The following GPC6 variants were observed in gnomAD, a reference collection of about 807,000 sequenced individuals.
The protein encoded by GPC6 is glypican-6.
In GPC6, 14 loss-of-function variants were observed where a neutral mutation model predicts 55.2. The ratio of observed to expected loss-of-function variants is 0.25; its 90% CI spans 0.17 to 0.40. The LOEUF (loss-of-function observed/expected upper bound fraction) is 0.40. Among genes scored for constraint, GPC6 ranks in the 10% least tolerant of loss-of-function variants. The probability of loss-of-function intolerance (pLI) is 1.00; values close to 1 mark genes in which losing one functional copy is unlikely to be tolerated. For synonymous variants in GPC6, 278 were observed against 259.6 expected (o/e 1.07, Z -0.68); for missense variants, 641 against 708.5 (o/e 0.90, Z 1.08).
At chr13:93,970,348 C>T (rs372238929) in intron 3 of GPC6, among the ~76,000 whole-genome samples, 2 of 152,204 alleles carry the variant, frequency 1.3e-5, no homozygotes, top group East Asian at 1.9e-4. Flanking sequence ...GTAGCATTTT[C>T]ATCCCATGAG....
intron 4 of GPC6, among the ~76,000 whole-genome samples, chr13:94,060,948 C>T (rs1594704052): frequency 6.6e-6 from 1 of 152,212 alleles, no homozygotes; most frequent in East Asian, 1.9e-4. Flanking sequence ...GGGTAAGTTG[C>T]TAAACTTTGA....
chr13:93,268,405 A>C (rs1877397083), intron 1 of GPC6, among the ~76,000 whole-genome samples: 1 of 152,220 alleles, frequency 6.6e-6, no homozygotes, highest in African/African-American at 2.4e-5. Context: ...TAGAATATTA[A>C]AATATGAATA....
intron 1 of GPC6, among the ~76,000 whole-genome samples, chr13:93,543,871 T>C (rs1194441241): frequency 2.6e-5 from 4 of 152,134 alleles, no homozygotes; most frequent in African/African-American, 4.8e-5. Flanking sequence ...TTGTAGTCTT[T>C]TGAGGAACCT....
intron 3 of GPC6, among the ~76,000 whole-genome samples, chr13:94,007,993 C>T (rs1004302854): frequency 3.9e-5 from 6 of 152,086 alleles, no homozygotes; most frequent in African/African-American, 1.4e-4. Flanking sequence ...TATGGACTCA[C>T]TTTATATATT....
intron 2 of GPC6, among the ~76,000 whole-genome samples, chr13:93,588,446 T>C (rs1455896533): frequency 6.6e-6 from 1 of 152,114 alleles, no homozygotes; most frequent in East Asian, 1.9e-4. Context: ...CCACATTCCA[T>C]TAAAAATTTT....
At chr13:93,867,431 A>C (rs1485891912) in intron 3 of GPC6, among the ~76,000 whole-genome samples, 1 of 151,676 alleles carries the variant, frequency 6.6e-6, no homozygotes, top group Non-Finnish European at 1.5e-5. Flanking sequence ...ACATCTTCAA[A>C]CCTTACTTTC....
chr13:94,288,806 T>TTA lies in GPC6; in HGVS notation c.1008+2334_1008+2335dup, dbSNP rs1555316107. ...TATATATAATAAATATATATATTTG[T>TTA]TATATATAATAAATATATATATTTG... On this transcript the variant is annotated intron_variant, in intron 5 of 8. Transcript: ENST00000377047. Among the ~76,000 whole-genome samples the TTA allele has an allele frequency of 1.4e-3, 99 of 72,506 alleles. 2 individuals are homozygous for TTA. The highest frequency in any genetic ancestry group is 7.3e-3 in the African/African-American group (91 of 12,460). 47.6% of individuals were successfully genotyped at this position (72,506 alleles called of 152,430 possible).
intron 4 of GPC6, among the ~76,000 whole-genome samples, chr13:94,261,210 G>T (rs1253061783): frequency 6.6e-6 from 1 of 152,156 alleles, no homozygotes; most frequent in Non-Finnish European, 1.5e-5. Context: ...AGGGGGCGGA[G>T]GTTGCAGTAA....
chr13:93,252,293 CA>C (rs1193534414), intron 1 of GPC6, among the ~76,000 whole-genome samples: 1 of 152,188 alleles, frequency 6.6e-6, no homozygotes, highest in East Asian at 1.9e-4. Context: ...TTTGAGAATA[CA>C]TTTCAAACAT....
intron 4 of GPC6, among the ~76,000 whole-genome samples, chr13:94,097,255 C>A (rs970647673): frequency 7.2e-5 from 11 of 152,078 alleles, no homozygotes; most frequent in African/African-American, 2.7e-4. Context: ...GTAATCCCAG[C>A]ACTTTGGGAG....
intron 4 of GPC6, among the ~76,000 whole-genome samples, chr13:94,207,287 A>G (rs1889933916): frequency 6.6e-6 from 1 of 152,206 alleles, no homozygotes. Flanking sequence ...CACTAAGACA[A>G]ATCCTGGGTA....
intron 4 of GPC6, among the ~76,000 whole-genome samples, chr13:94,067,030 C>A (rs1348257182): frequency 6.6e-6 from 1 of 152,126 alleles, no homozygotes; most frequent in Non-Finnish European, 1.5e-5. Context: ...TATTTTTGAA[C>A]TGTTATGTAA....
chr13:93,268,168 G>A (rs940069373), intron 1 of GPC6, among the ~76,000 whole-genome samples: 5 of 152,138 alleles, frequency 3.3e-5, no homozygotes, highest in African/African-American at 4.8e-5. Context: ...ATAATTATGA[G>A]AGGATTATTT....
intron 2 of GPC6, among the ~76,000 whole-genome samples, chr13:93,580,553 A>C (rs1876888536): frequency 6.6e-6 from 1 of 152,134 alleles, no homozygotes; most frequent in Non-Finnish European, 1.5e-5. Flanking sequence ...CTTATTGAGC[A>C]CCTATTATGT....
intron 2 of GPC6, among the ~76,000 whole-genome samples, chr13:93,593,577 G>GTA (rs1256532939): frequency 4.6e-5 from 7 of 152,212 alleles, no homozygotes; most frequent in African/African-American, 1.7e-4. Flanking sequence ...AAGTGCATGT[G>GTA]TATTGAACAC....
chr13:93,366,465 G>A (rs1281582510), intron 1 of GPC6, among the ~76,000 whole-genome samples: 1 of 152,066 alleles, frequency 6.6e-6, no homozygotes, highest in Non-Finnish European at 1.5e-5. Flanking sequence ...AAGAGGACAT[G>A]CATGCTTCAT....
At chr13:94,345,993 G>T (rs1207062657) in intron 6 of GPC6, among the ~76,000 whole-genome samples, 1 of 152,086 alleles carries the variant, frequency 6.6e-6, no homozygotes, top group Non-Finnish European at 1.5e-5. Context: ...GCTTCTAGTG[G>T]ATTTCCCAAC....
intron 3 of GPC6, among the ~76,000 whole-genome samples, chr13:93,838,792 A>G (rs781736404): frequency 1.3e-5 from 2 of 152,064 alleles, no homozygotes; most frequent in African/African-American, 2.4e-5. Flanking sequence ...CTCCAGCTCA[A>G]CAGCCACGAT....
In GPC6 at chr13:93,664,251, A is replaced by G. The variant is rs554013563; in HGVS notation, c.319+118830A>G. On this transcript the variant is annotated intron_variant, in intron 2 of 8. Coordinates refer to ENST00000377047, the MANE Select transcript of GPC6 (RefSeq NM_005708.5). ...CCATATATAGTAATCACCTGCTGTG[A>G]TTATTCAGCCATGTAAACTGCATTT... Among the ~76,000 whole-genome samples the G allele has an allele frequency of 2.1e-4, 32 of 152,300 alleles. No individual in the cohort carries two copies. The East Asian group carries it at 6.0e-3, about 29-fold the overall frequency.
Sources: allele counts gnomAD v4.1 joint callset (sites outside exome capture counted in the v4.1 genomes callset), GRCh38; gene constraint gnomAD v4.1.1; transcripts MANE v1.5; gene names NCBI Gene and HGNC (gene_info 2026-07-23, HGNC 2026-07-21).